XPO1: variants seen among roughly 807,000 people sequenced by gnomAD.
XPO1 encodes the protein exportin-1.
A neutral mutation model predicts 133.3 loss-of-function variants in XPO1; 5 were observed. The ratio of observed to expected loss-of-function variants is 0.04; its 90% confidence interval spans 0.02 to 0.08. The LOEUF (loss-of-function observed/expected upper bound fraction) is 0.08, where lower values mean the gene tolerates loss of function less well. Ranked by LOEUF, XPO1 falls within the 10% of genes least tolerant of loss-of-function variation. The pLI, the probability that XPO1 is intolerant of heterozygous loss-of-function variation, is 1.00. For synonymous variants in XPO1, 419 were observed against 408.2 expected, an observed-to-expected ratio of 1.03 and a Z score of -0.32; for missense variants, 506 against 1,267.5, an observed-to-expected ratio of 0.40 and a Z score of 9.12.
intron 1 of XPO1, among the ~76,000 whole-genome samples, chr2:61,534,908 G>A (rs1268799620): frequency 6.6e-6 from 1 of 151,952 alleles, no homozygotes; most frequent in Non-Finnish European, 1.5e-5. Context: ...CATATTTACT[G>A]AATATATGAT....
chr2:61,488,250 G>A lies in XPO1; in HGVS notation c.2228C>T (p.Pro743Leu), dbSNP rs2104382967. 6.2e-7 allele frequency: 1 copy of A among 1,613,642 alleles called. No individual in the cohort carries two copies. Among genetic ancestry groups the A allele is most frequent in the Non-Finnish European group, 8.5e-7 (1 of 1,179,840 alleles). The change falls in exon 19 of 25, where the codon CCA becomes CTA. Residue 743 changes from proline (P) to leucine (L), a missense_variant. Physicochemically the swap from Pro to Leu is moderately conservative, Grantham distance 98 (BLOSUM62 -3). This residue lies in a region of XPO1 where 60 missense variants were observed against 211.0 expected (regional missense o/e 0.28). Transcript: ENST00000401558. ...TACAGTTCGCATACTTCTAATCAAT[G>A]GTTGCTTTGTAACCATTTCACCTAC... ...QANGEMVTKQ[P>L]LIRSMRTVKR...
Position 61,478,415 on chromosome 2 carries a change from T to C in XPO1, c.*405A>G, listed in dbSNP as rs921778138. On this transcript the variant is annotated 3_prime_UTR_variant, in exon 25 of 25. Transcript: ENST00000401558. ...ACGCAATTTGTTTTACTCATTATCT[T>C]TTCTTCTAGGCTGAAATAGACTAGA... is the stretch of plus-strand genomic sequence containing the variant. 1 of 261,222 alleles carries C rather than the reference T, an allele frequency of 3.8e-6. No individual in the cohort carries two copies. The highest frequency in any genetic ancestry group is 5.7e-5 in the East Asian group (1 of 17,500). 16.2% of individuals were successfully genotyped at this position (261,222 alleles called of 1,614,324 possible). A position where few individuals can be genotyped will look rare whatever the true frequency, so the allele number is the denominator to read the frequency against.
chr2:61,487,029 C>T (rs1402726214), intron 19 of XPO1, among the ~76,000 whole-genome samples: 2 of 150,278 alleles, frequency 1.3e-5, no homozygotes, highest in African/African-American at 2.5e-5. Context: ...GTGGCCCAGA[C>T]TGGGGTGCAA....
chr2:61,514,033 A>T (rs1187184412), intron 4 of XPO1, among the ~76,000 whole-genome samples: 1 of 151,938 alleles, frequency 6.6e-6, no homozygotes, highest in African/African-American at 2.4e-5. Context: ...TAAAAATACG[A>T]AAAAGTAGCA....
chr2:61,527,674 G>A (rs775932945), intron 2 of XPO1, among the ~76,000 whole-genome samples: 23 of 152,058 alleles, frequency 1.5e-4, no homozygotes, highest in Non-Finnish European at 3.1e-4. Context: ...TCTTTAAAGA[G>A]GGCTCCTAAC....
At chr2:61,516,475 C>T (rs1051116521) in intron 4 of XPO1, among the ~76,000 whole-genome samples, 5 of 151,632 alleles carry the variant, frequency 3.3e-5, no homozygotes, top group African/African-American at 1.2e-4. Context: ...AGTGCAATGG[C>T]GCGATCTCAG....
At chr2:61,482,033 CCTTTTTTTT>C (rs1398081292) in intron 23 of XPO1, among the ~76,000 whole-genome samples, 4 of 86,820 alleles carry the variant, frequency 4.6e-5, no homozygotes, top group South Asian at 4.8e-4. Context: ...CCGTGCGTGG[CCTTTTTTTT>C]TTTTTTTTTT....
chr2:61,535,235 T>C (rs1320287135), intron 1 of XPO1, among the ~76,000 whole-genome samples: 1 of 152,222 alleles, frequency 6.6e-6, no homozygotes, highest in East Asian at 1.9e-4. Flanking sequence ...AAGTCAGTAG[T>C]CCTTAACCTT....
chr2:61,482,597 GTTTTTT>G, intron 22 of XPO1, 58 bp from the exon 23 acceptor site: 3 of 1,195,100 alleles, frequency 2.5e-6, no homozygotes, highest in African/African-American at 2.1e-5. Flanking sequence ...AGATCTTAGC[GTTTTTT>G]TTTGTTTTGT....
chr2:61,507,969 C>A (rs995637600), intron 4 of XPO1, among the ~76,000 whole-genome samples: 4 of 152,252 alleles, frequency 2.6e-5, no homozygotes. Flanking sequence ...ACGTTGCCAA[C>A]AGGATCTTCA....
intron 20 of XPO1, chr2:61,484,374 G>A (rs186317366): frequency 1.7e-4 from 58 of 343,282 alleles, no homozygotes; most frequent in Non-Finnish European, 1.1e-5. Flanking sequence ...ATTACCATAA[G>A]ACTACTACTA....
rs1238664702 is a variant in XPO1, at chr2:61,492,612, T to G, written c.1521A>C (p.Ala507=). The G allele has an allele frequency of 6.2e-7, 1 of 1,613,926 alleles. No homozygotes were observed. Among genetic ancestry groups the G allele is most frequent in the Non-Finnish European group, 8.5e-7 (1 of 1,179,952 alleles). ...LCWAIGSISG[A]MHEEDEKRFL... is the part of the protein sequence containing the mutation. The stretch of plus-strand genomic sequence containing the variant: ...ATCGTTTTTCGTCCTCTTCATGCAT[T>G]GCTCCACTAATGGAGCCTATTGCCC... Residue 507 remains alanine, a synonymous_variant, in exon 14 of 25, where the codon GCA becomes GCC. Coordinates refer to ENST00000401558, the MANE Select transcript of XPO1 (RefSeq NM_003400.4). This position sits in a 1 kb window ranked among gnomAD's most constrained non-coding sequence, Gnocchi z 5.6.
intron 24 of XPO1, 118 bp from the exon 25 acceptor site, chr2:61,479,084 G>T (rs1223804874): frequency 2.4e-5 from 30 of 1,244,834 alleles, no homozygotes; most frequent in East Asian, 1.2e-4. Context: ...CCATAAAGTG[G>T]CTGGGTTTTA....
chr2:61,483,925 T>C lies in XPO1; in HGVS notation c.2677+12A>G, dbSNP rs761845068. On this transcript the variant is annotated intron_variant, in intron 21 of 24. Coordinates refer to ENST00000401558, the MANE Select transcript of XPO1 (RefSeq NM_003400.4). Reference sequence around the variant, plus strand: ...TGGCAGGCAAATGAATAAAAGAACATCTTTTATTTACCCGTATCTGCGACA... The same window carrying C: ...TGGCAGGCAAATGAATAAAAGAACACCTTTTATTTACCCGTATCTGCGACA... The C allele has an allele frequency of 1.9e-6, 3 of 1,609,396 alleles. No homozygotes were observed. Among genetic ancestry groups the C allele is most frequent in the Non-Finnish European group, 2.5e-6 (3 of 1,178,676 alleles).
chr2:61,522,793 C>T (rs2104753572), intron 3 of XPO1, 110 bp from the exon 4 acceptor site: 1 of 755,722 alleles, frequency 1.3e-6, no homozygotes, highest in South Asian at 1.6e-5. Flanking sequence ...GTTTCAAAAA[C>T]ATTATGCTAC....
chr2:61,511,595 T>C (rs1432411117), intron 4 of XPO1, among the ~76,000 whole-genome samples: 1 of 152,162 alleles, frequency 6.6e-6, no homozygotes, highest in African/African-American at 2.4e-5. Context: ...GTATTTTTAG[T>C]AGAGAGAAGT....
At chr2:61,509,180 T>C (rs375767458) in intron 4 of XPO1, among the ~76,000 whole-genome samples, 18 of 152,090 alleles carry the variant, frequency 1.2e-4, no homozygotes, top group East Asian at 1.2e-3. Flanking sequence ...TTTTTTTTTT[T>C]TTTAGGTAAA....
chr2:61,488,823 TG>T (rs757704945), intron 17 of XPO1, 52 bp from the exon 18 acceptor site: 3 of 1,585,172 alleles, frequency 1.9e-6, no homozygotes, highest in Non-Finnish European at 8.6e-7. Context: ...TATCCACGGC[TG>T]GGAACAGTGG....
chr2:61,506,117 A>G (rs1697799048), intron 4 of XPO1, among the ~76,000 whole-genome samples: 1 of 152,146 alleles, frequency 6.6e-6, no homozygotes, highest in African/African-American at 2.4e-5. Context: ...AAATAAATGC[A>G]GGTCAATTAA....
Sources: allele counts gnomAD v4.1 joint callset (sites outside exome capture counted in the v4.1 genomes callset), GRCh38; gene constraint gnomAD v4.1.1; regional missense constraint gnomAD v4.1.1; non-coding constraint Gnocchi (gnomAD v3.1); transcripts MANE v1.5; gene names NCBI Gene and HGNC (gene_info 2026-07-23, HGNC 2026-07-21).